DRP2: variants seen among roughly 807,000 people sequenced by gnomAD.
The protein encoded by DRP2 is dystrophin-related protein 2.
A neutral mutation model predicts 78.2 loss-of-function variants in DRP2; 29 were observed. That is an observed-to-expected ratio of 0.37 (90% confidence interval 0.28 to 0.51). DRP2 has a LOEUF of 0.51. Among genes scored for constraint, DRP2 ranks in the 20% least tolerant of loss-of-function variants. The pLI, the probability that DRP2 is intolerant of heterozygous loss-of-function variation, is 0.94. For synonymous variants in DRP2, 290 were observed against 281.9 expected, an observed-to-expected ratio of 1.03 and a Z score of -0.29; for missense variants, 686 against 770.6, an observed-to-expected ratio of 0.89 and a Z score of 1.30.
At chrX:101,235,337 G>A (rs1906504042) in intron 3 of DRP2, among the ~76,000 whole-genome samples, 2 of 112,375 alleles carry the variant, frequency 1.8e-5, no homozygotes, top group African/African-American at 3.2e-5. Context: ...GAAGTAAGAC[G>A]TGGACCACTG....
At position 101,242,454 on chromosome X, in the gene DRP2, C is replaced by T. The variant is rs1234956618; in HGVS notation, c.958C>T (p.Arg320Ter). 1.7e-6 allele frequency: 2 copies of T among 1,209,307 alleles called. No individual in the cohort carries two copies. The highest frequency in any genetic ancestry group is 2.2e-5 in the Admixed American group (1 of 45,671). ...NSQALEQINV[R>*]WKQLQASVSE... ...CCAGGCCCTGGAACAGATCAACGTC[C>T]GATGGAAACAACTACAGGTAGAAGA... The change falls in exon 8 of 24, where the codon CGA (arginine) becomes TGA (stop). Residue 320 changes from arginine (R) to a stop codon, truncating the protein, a stop_gained. Coordinates refer to ENST00000395209, the MANE Select transcript of DRP2 (RefSeq NM_001939.3). LOFTEE classifies it high-confidence loss of function.
At chrX:101,245,356 G>C in intron 10 of DRP2, 32 bp from the exon 11 acceptor site, 3 of 1,178,392 alleles carry the variant, frequency 2.5e-6, no homozygotes, top group Non-Finnish European at 3.4e-6. Context: ...GGGTGGTATA[G>C]ATGCTGGTAC....
Position 101,255,210 on chromosome X carries a change from G to T in DRP2, c.2207G>T (p.Cys736Phe), listed in dbSNP as rs1923294614. ...SRLAEMESQN[C>F]SFFNDSLSPD... ...CTTGCTGAGATGGAAAGTCAAAATT[G>T]CTCCTTCTTTAATGACAGCTTGTCC... Residue 736 changes from cysteine to phenylalanine, a missense_variant, in exon 20 of 24, where the codon TGC (cysteine) becomes TTC (phenylalanine). This residue lies in a region of DRP2 where 423 missense variants were observed against 531.5 expected (regional missense o/e 0.80). Coordinates refer to ENST00000395209, the MANE Select transcript of DRP2 (RefSeq NM_001939.3). The T allele has an allele frequency of 8.3e-7, 1 of 1,211,411 alleles. No homozygotes were observed. Among genetic ancestry groups the T allele is most frequent in the Admixed American group, 2.2e-5 (1 of 46,007 alleles).
At chrX:101,252,317 C>T (rs1202034240) in intron 16 of DRP2, among the ~76,000 whole-genome samples, 1 of 111,706 alleles carries the variant, frequency 9.0e-6, no homozygotes, top group African/African-American at 3.3e-5. Context: ...ATATTTACCC[C>T]TGCTTCCCTC....
At position 101,260,537 on chromosome X, in the gene DRP2, G is replaced by A. The variant is rs1443807900; in HGVS notation, c.2790G>A (p.Leu930=). 1 of 1,211,365 alleles carries A rather than the reference G, an allele frequency of 8.3e-7. No homozygotes were observed. The highest frequency in any genetic ancestry group is 3.0e-5 in the East Asian group (1 of 33,842). Residue 930 remains leucine (L), a synonymous_variant, in exon 24 of 24, where the codon TTG becomes TTA. Transcript: ENST00000395209. ...GSKSQDVSLC[L]EDIMEKLRHA... is the part of the protein sequence containing the mutation. Reference sequence around the variant, plus strand: ...AGAGCCAGGATGTCAGCCTGTGCTTGGAGGACATCATGGAGAAACTCCGTC... The same window carrying A: ...AGAGCCAGGATGTCAGCCTGTGCTTAGAGGACATCATGGAGAAACTCCGTC...
intron 2 of DRP2, among the ~76,000 whole-genome samples, chrX:101,225,973 T>C (rs1277984780): frequency 8.9e-6 from 1 of 111,860 alleles, no homozygotes; most frequent in Non-Finnish European, 1.9e-5. Context: ...CCCAAAGACA[T>C]GGGGAGAATT....
At chrX:101,228,940 T>C (rs987731143) in intron 2 of DRP2, among the ~76,000 whole-genome samples, 1 of 111,132 alleles carries the variant, frequency 9.0e-6, no homozygotes. Context: ...GAATAGTTAA[T>C]GACATTCTAA....
intron 17 of DRP2, among the ~76,000 whole-genome samples, chrX:101,253,645 A>G (rs12556959): frequency 0.39 from 37,678 of 97,484 alleles, 6,114 homozygotes; most frequent in Middle Eastern, 0.49. Flanking sequence ...TCTGAGGTTC[A>G]AGCGATTCTC....
chrX:101,255,766 C>A (rs1923313970), intron 20 of DRP2, among the ~76,000 whole-genome samples: 1 of 108,070 alleles, frequency 9.3e-6, no homozygotes, highest in South Asian at 4.2e-4. Flanking sequence ...GATCAATCTG[C>A]CCTGACTGGG....
intron 14 of DRP2, among the ~76,000 whole-genome samples, chrX:101,248,910 C>T (rs957402518): frequency 2.7e-5 from 3 of 112,251 alleles, no homozygotes; most frequent in African/African-American, 9.7e-5. Flanking sequence ...GTTCTAGTTG[C>T]ATTCCCCTGT....
chrX:101,242,387 C>A lies in DRP2; in HGVS notation c.891C>A (p.His297Gln), dbSNP rs763056573. ...TAAAGTTGGTGAATGATCTGGCCCA[C>A]CAACTTGCCATTTCTGATGTGCACT... ...DGVKLVNDLA[H>Q]QLAISDVHLS... Residue 297 changes from histidine to glutamine, a missense_variant, in exon 8 of 24, where the codon CAC becomes CAA. Physicochemically the swap from His to Gln is conservative, Grantham distance 24. Coordinates refer to ENST00000395209, the MANE Select transcript of DRP2 (RefSeq NM_001939.3). 6.6e-6 allele frequency: 8 copies of A among 1,211,825 alleles called. No homozygotes were observed. The highest frequency in any genetic ancestry group is 2.3e-4 in the Middle Eastern group (1 of 4,346).
At chrX:101,223,426 A>G (rs150813436) in intron 1 of DRP2, among the ~76,000 whole-genome samples, 9 of 112,211 alleles carry the variant, frequency 8.0e-5, no homozygotes, top group South Asian at 3.7e-4. Flanking sequence ...CACTTTATCT[A>G]TTCTGCTGTT....
rs1346445495 is a variant in DRP2, at chrX:101,245,090, C to G, written c.1115+13C>G. On this transcript the variant is annotated intron_variant, in intron 10 of 23. Transcript: ENST00000395209. ...CCTACTACATCAAGTGAGTGACCAT[C>G]TGAATCAGAAGCGGGTCAGTCACCT... 2 of 1,205,261 alleles carry G rather than the reference C, an allele frequency of 1.7e-6. No individual in the cohort carries two copies. The highest frequency in any genetic ancestry group is 2.4e-4 in the Middle Eastern group (1 of 4,193).
chrX:101,257,463 T>C (rs1159246185), intron 21 of DRP2, among the ~76,000 whole-genome samples: 1 of 106,530 alleles, frequency 9.4e-6, no homozygotes, highest in East Asian at 2.9e-4. Flanking sequence ...GAGAGTAAGC[T>C]TTTAGAAACT....
At chrX:101,229,261 A>C (rs1922219540) in intron 2 of DRP2, among the ~76,000 whole-genome samples, 3 of 112,392 alleles carry the variant, frequency 2.7e-5, no homozygotes, top group Non-Finnish European at 5.6e-5. Flanking sequence ...ACACATCCAT[A>C]GCAGTACTTC....
At position 101,237,694 on chromosome X, in the gene DRP2, C is replaced by G. The variant is rs1476669300; in HGVS notation, c.357C>G (p.Ser119Arg). Residue 119 changes from serine (S) to arginine (R), a missense_variant, in exon 5 of 24, where the codon AGC (serine) becomes AGG (arginine). By Grantham distance (110) the Ser-to-Arg change is moderately radical. This residue lies in a region of DRP2 where 263 missense variants were observed against 239.1 expected (regional missense o/e 1.10). Coordinates refer to ENST00000395209, the MANE Select transcript of DRP2 (RefSeq NM_001939.3). ...LPLQEIIDWL[S>R]QKDEELSAQL... ...TTCAAGAGATTATTGACTGGCTCAG[C>G]CAAAAGGATGAGGAGTTGTCAGCTC... is the stretch of plus-strand genomic sequence containing the variant. The G allele has an allele frequency of 8.5e-7, 1 of 1,179,305 alleles. No homozygotes were observed. The highest frequency in any genetic ancestry group is 1.7e-5 in the African/African-American group (1 of 57,369).
intron 10 of DRP2, 33 bp from the exon 11 acceptor site, chrX:101,245,355 A>G: frequency 8.5e-7 from 1 of 1,174,791 alleles, no homozygotes; most frequent in Non-Finnish European, 1.1e-6. Context: ...TGGGTGGTAT[A>G]GATGCTGGTA....
At position 101,238,974 on chromosome X, in the gene DRP2, T is replaced by G. The variant is rs369729974; in HGVS notation, c.439-7T>G. On this transcript the variant is annotated splice_region_variant and splice_polypyrimidine_tract_variant and intron_variant, in intron 5 of 23. Transcript: ENST00000395209. Reference sequence around the variant, plus strand: ...TTTCCTGTTGACCATATTGCTAAACTTTATAGGCCTTTATGGAAGAAGTCA... The same window carrying G: ...TTTCCTGTTGACCATATTGCTAAACGTTATAGGCCTTTATGGAAGAAGTCA... 1 of 1,205,766 alleles carries G rather than the reference T, an allele frequency of 8.3e-7. No individual in the cohort carries two copies. The highest frequency in any genetic ancestry group is 2.2e-5 in the Admixed American group (1 of 45,162).
chrX:101,252,714 C>T lies in DRP2; in HGVS notation c.1975C>T (p.Pro659Ser). Residue 659 changes from proline to serine, a missense_variant and splice_region_variant, in exon 17 of 24, where the codon CCG becomes TCG. Transcript: ENST00000395209. ...CTACCCCATCATGGAGTATTACACA[C>T]CGGTATGAAGCCTCCAGGCTGGGTG... ...LHYPIMEYYT[P>S]TTSSENMRDF... is the part of the protein sequence containing the mutation. 1 of 1,205,003 alleles carries T rather than the reference C, an allele frequency of 8.3e-7. No homozygotes were observed. The highest frequency in any genetic ancestry group is 1.1e-6 in the Non-Finnish European group (1 of 889,942).
Sources: allele counts gnomAD v4.1 joint callset (sites outside exome capture counted in the v4.1 genomes callset), GRCh38; gene constraint gnomAD v4.1.1; regional missense constraint gnomAD v4.1.1; transcripts MANE v1.5; gene names NCBI Gene and HGNC (gene_info 2026-07-23, HGNC 2026-07-21).